The following NKTR variants were observed in gnomAD, a reference collection of about 807,000 sequenced individuals.
The protein encoded by NKTR is NK-tumor recognition protein.
NKTR carries 67 observed loss-of-function variants against 156.3 expected under a neutral mutation model. The observed-to-expected ratio is 0.43, with a 90% CI of 0.35 to 0.53. The LOEUF is 0.53. Ranked by LOEUF, NKTR falls within the 20% of genes least tolerant of loss-of-function variation. The pLI is 0.01. For synonymous variants in NKTR, 640 were observed against 596.6 expected, an observed-to-expected ratio of 1.07 and a Z score of -1.06; for missense variants, 1,604 against 1,730.9, an observed-to-expected ratio of 0.93 and a Z score of 1.30.
At chr3:42,615,929 C>CT (rs1159181281) in intron 2 of NKTR, among the ~76,000 whole-genome samples, 1 of 151,790 alleles carries the variant, frequency 6.6e-6, no homozygotes, top group Non-Finnish European at 1.5e-5. Flanking sequence ...TTGAGTCCTC[C>CT]TTTTTGCTTG....
chr3:42,631,023 C>G, intron 7 of NKTR, 148 bp from the exon 8 acceptor site: 1 of 1,415,948 alleles, frequency 7.1e-7, no homozygotes, highest in Non-Finnish European at 9.2e-7. Context: ...ATTTCAAGTT[C>G]TCATTCCATT....
intron 16 of NKTR, 132 bp from the exon 17 acceptor site, chr3:42,645,756 T>C: frequency 3.6e-6 from 2 of 556,588 alleles, no homozygotes; most frequent in Non-Finnish European, 6.5e-6. Context: ...GCATCAATAG[T>C]GCATCAGTTA....
At position 42,633,617 on chromosome 3, in the gene NKTR, G is replaced by T. The variant is rs1479726187; in HGVS notation, c.811G>T (p.Val271Phe). The change falls in exon 10 of 17, where the codon GTT becomes TTT. Residue 271 changes from valine to phenylalanine, a missense_variant. Coordinates refer to ENST00000232978, the MANE Select transcript of NKTR (RefSeq NM_005385.4). Reference protein sequence around the residue: ...ERSDTNEKRSVDSSAKREKPV... With the variant: ...ERSDTNEKRSFDSSAKREKPV... ...GAGTGATACCAATGAAAAAAGGTCA[G>T]TTGATTCCAGTGCTAAAAGGGAAAA... 1 of 1,614,162 alleles carries T rather than the reference G, an allele frequency of 6.2e-7. No individual in the cohort carries two copies. Among genetic ancestry groups the T allele is most frequent in the Non-Finnish European group, 8.5e-7 (1 of 1,180,010 alleles).
chr3:42,638,713 A>G lies in NKTR; in HGVS notation c.3009A>G (p.Lys1003=). The G allele has an allele frequency of 1.2e-6, 2 of 1,613,480 alleles. No homozygotes were observed. Among genetic ancestry groups the G allele is most frequent in the East Asian group, 2.2e-5 (1 of 44,882 alleles). Residue 1003 remains lysine (K), a synonymous_variant, in exon 13 of 17, where the codon AAA becomes AAG. Coordinates refer to ENST00000232978, the MANE Select transcript of NKTR (RefSeq NM_005385.4). The part of the protein sequence containing the change: ...VKEKLKGKKD[K]KHKAPKRKQA... ...AGAAATTGAAAGGGAAAAAAGACAA[A>G]AAGCATAAGGCTCCAAAACGAAAGC...
chr3:42,617,302 A>T (rs1053247047), intron 2 of NKTR, among the ~76,000 whole-genome samples: 19 of 152,332 alleles, frequency 1.2e-4, no homozygotes, highest in Middle Eastern at 6.8e-3. Context: ...GAATCTAATA[A>T]TACAAAGTTC....
At position 42,635,199 on chromosome 3, in the gene NKTR, A is replaced by C. The variant is rs1709286417; in HGVS notation, c.1018-22A>C. On this transcript the variant is annotated intron_variant, in intron 11 of 16. Transcript: ENST00000232978. ...GTCGTGGAGAGGCATTTTTTAAAATACTATTGTTTTTGTTTTTAAAGCGCT... is the reference window on the plus strand; with the variant it reads ...GTCGTGGAGAGGCATTTTTTAAAATCCTATTGTTTTTGTTTTTAAAGCGCT... The C allele has an allele frequency of 5.0e-6, 8 of 1,602,096 alleles. No homozygotes were observed. In the African/African-American group the frequency reaches 1.1e-4, roughly 22 times the overall value.
In NKTR at chr3:42,617,552, C is replaced by G. The variant is rs1246352293; in HGVS notation, c.59-18C>G. The G allele has an allele frequency of 7.0e-7, 1 of 1,427,362 alleles. No individual in the cohort carries two copies. Among genetic ancestry groups the G allele is most frequent in the African/African-American group, 1.4e-5 (1 of 70,852 alleles). 88.4% of individuals were successfully genotyped at this position (1,427,362 alleles called of 1,614,324 possible). ...ATTTAACTTGCTTACTATTTTTTTC[C>G]TATGTATTTTATTTCAGTTGGTCGC... On this transcript the variant is annotated intron_variant, in intron 2 of 16. Transcript: ENST00000232978.
chr3:42,615,975 G>A (rs182095903), intron 2 of NKTR, among the ~76,000 whole-genome samples: 1 of 152,060 alleles, frequency 6.6e-6, no homozygotes, highest in Admixed American at 6.5e-5. Context: ...TAGGTTTTAA[G>A]AACAGCTACA....
chr3:42,643,219 AT>A lies in NKTR; in HGVS notation c.4143-119del, dbSNP rs564331155. ...TACTTTTGATATGAAAACAAAACAA[AT>A]GTAGCTGTGGGATTTCACTGTATTT... On this transcript the variant is annotated intron_variant, in intron 14 of 16. Coordinates refer to ENST00000232978, the MANE Select transcript of NKTR (RefSeq NM_005385.4). The A allele has an allele frequency of 1.6e-3, 1,149 of 734,730 alleles. 9 individuals carry two copies. In the African/African-American group the frequency reaches 0.018, roughly 12 times the overall value. 45.5% of individuals were successfully genotyped at this position (734,730 alleles called of 1,614,324 possible). A position where few individuals can be genotyped will look rare whatever the true frequency, so the allele number is the denominator to read the frequency against.
At chr3:42,636,011 C>T (rs115130147) in intron 12 of NKTR, among the ~76,000 whole-genome samples, 3,355 of 152,278 alleles carry the variant, frequency 0.022, 47 homozygotes, top group Non-Finnish European at 0.036. Flanking sequence ...AACCTGCACT[C>T]GGTGTTCATG....
At chr3:42,614,124 A>G (rs1005097112) in intron 2 of NKTR, among the ~76,000 whole-genome samples, 3 of 152,176 alleles carry the variant, frequency 2.0e-5, no homozygotes, top group African/African-American at 7.2e-5. Flanking sequence ...AGATTACTAA[A>G]TTCCACTAAA....
At chr3:42,619,206 A>G (rs1707688299) in intron 4 of NKTR, 79 bp downstream of exon 4, 6 of 1,557,794 alleles carry the variant, frequency 3.9e-6, no homozygotes, top group Non-Finnish European at 3.5e-6. Flanking sequence ...AGTTCTAAAT[A>G]TTGTGTCAGT....
chr3:42,602,073 C>T (rs1239144104), intron 2 of NKTR: 1 of 152,122 alleles, frequency 6.6e-6, no homozygotes, highest in East Asian at 1.9e-4. Context: ...GAAGAGCATT[C>T]GTGGTAGAGG....
chr3:42,610,589 G>A (rs922821122), intron 2 of NKTR, among the ~76,000 whole-genome samples: 3 of 150,646 alleles, frequency 2.0e-5, no homozygotes, highest in Admixed American at 6.6e-5. Flanking sequence ...GGTTTCTATC[G>A]TGGGATTTTT....
At position 42,601,070 on chromosome 3, in the gene NKTR, C is replaced by G. The variant is rs1308817738; in HGVS notation, c.58+6C>G. On this transcript the variant is annotated splice_donor_region_variant and intron_variant, in intron 2 of 16. Transcript: ENST00000232978. Reference sequence around the variant, plus strand: ...CGAGATCAACCGGGAGCCGGGTGAGCTGGAAACTGGGGAGCGCTGCTGGGG... The same window carrying G: ...CGAGATCAACCGGGAGCCGGGTGAGGTGGAAACTGGGGAGCGCTGCTGGGG... 2.6e-6 allele frequency: 4 copies of G among 1,565,290 alleles called. No individual in the cohort carries two copies. The highest frequency in any genetic ancestry group is 1.9e-5 in the Admixed American group (1 of 53,584).
intron 2 of NKTR, among the ~76,000 whole-genome samples, chr3:42,616,757 T>C (rs183646872): frequency 6.6e-6 from 1 of 152,252 alleles, no homozygotes; most frequent in South Asian, 2.1e-4. Flanking sequence ...ATGGGGAGTA[T>C]TATTTTAAGA....
intron 13 of NKTR, among the ~76,000 whole-genome samples, chr3:42,640,941 TAC>T (rs1202521953): frequency 1.3e-5 from 2 of 152,230 alleles, no homozygotes; most frequent in Admixed American, 6.5e-5. Flanking sequence ...CTTAACCATT[TAC>T]ACAGAGACAG....
At chr3:42,618,537 C>A (rs1707617065) in intron 3 of NKTR, among the ~76,000 whole-genome samples, 1 of 151,898 alleles carries the variant, frequency 6.6e-6, no homozygotes, top group South Asian at 2.1e-4. Context: ...CTCCACCTCC[C>A]AGATTCAAGT....
In NKTR at chr3:42,647,290, GT is replaced by G. The variant is rs1483045395; in HGVS notation, c.*1316del. 1.4e-4 allele frequency: 16 copies of G among 113,164 alleles called. No homozygotes were observed. The highest frequency in any genetic ancestry group is 8.1e-4 in the African/African-American group (16 of 19,732). 7.0% of individuals were successfully genotyped at this position (113,164 alleles called of 1,614,324 possible). On this transcript the variant is annotated 3_prime_UTR_variant, in exon 17 of 17. Transcript: ENST00000232978. The stretch of plus-strand genomic sequence containing the variant: ...CTAGTGTGTGTGTGTGTGTGTGTGT[GT>G]GTGTGTGTGTGGTTTTTTTTTTTAA...
Sources: gnomAD v4.1 joint callset for allele counts (sites outside exome capture counted in the v4.1 genomes callset) on GRCh38, gnomAD v4.1.1 for gene constraint, MANE v1.5 for transcripts, NCBI Gene and HGNC (gene_info 2026-07-23, HGNC 2026-07-21) for gene names.